The following SLC19A3 variants were observed in gnomAD, a reference collection of about 807,000 sequenced individuals.
SLC19A3 encodes thiamine transporter 2.
A neutral mutation model predicts 40.2 loss-of-function variants in SLC19A3; 31 were observed. The observed-to-expected ratio is 0.77, with a 90% CI of 0.58 to 1.04. The LOEUF (loss-of-function observed/expected upper bound fraction) is 1.04, where lower values mean the gene tolerates loss of function less well. Among genes scored for constraint, SLC19A3 ranks in the 50% least tolerant of loss-of-function variants. The pLI is 0.00. For missense variants in SLC19A3, 592 were observed against 596.7 expected, an observed-to-expected ratio of 0.99 and a Z score of 0.08; for synonymous variants, 212 against 227.5, an observed-to-expected ratio of 0.93 and a Z score of 0.61.
rs121917882 is a variant in SLC19A3 at position 227,702,251 on chromosome 2, C to A, written c.68G>T (p.Gly23Val). 2.5e-5 allele frequency: 40 copies of A among 1,613,826 alleles called. No individual in the cohort carries two copies. The highest frequency in any genetic ancestry group is 3.1e-5 in the Non-Finnish European group (36 of 1,179,884). ...IYPTVILCLF[G>V]FFSMMRPSEP... ...TGAGGGTCTCATCATGGAGAAAAAA[C>A]CAAATAAGCAGAGGATCACAGTGGG... is the stretch of plus-strand genomic sequence containing the variant. The change falls in exon 2 of 6, where the codon GGT becomes GTT. Residue 23 changes from glycine to valine, a missense_variant. Gly to Val is a moderately radical substitution (Grantham distance 109). Transcript: ENST00000644224.
chr2:227,689,210 G>C (rs1001057697), intron 4 of SLC19A3, among the ~76,000 whole-genome samples: 29 of 152,100 alleles, frequency 1.9e-4, no homozygotes. Context: ...TATTCAAAGG[G>C]ATAATATCAG....
intron 4 of SLC19A3, among the ~76,000 whole-genome samples, chr2:227,694,123 C>T (rs1695337357): frequency 6.6e-6 from 1 of 152,160 alleles, no homozygotes; most frequent in African/African-American, 2.4e-5. Flanking sequence ...TCTCCTGCCT[C>T]AGCCTCCCCA....
chr2:227,694,227 G>C (rs1199244662), intron 4 of SLC19A3, among the ~76,000 whole-genome samples: 2 of 152,014 alleles, frequency 1.3e-5, no homozygotes, highest in African/African-American at 4.8e-5. Flanking sequence ...GGCTGGTCTC[G>C]AACTCCTGAC....
At chr2:227,695,566 C>T in intron 4 of SLC19A3, 1 of 343,414 alleles carries the variant, frequency 2.9e-6, no homozygotes, top group Admixed American at 4.2e-5. Context: ...CGTGATCGCA[C>T]CACTGCTCTC....
At chr2:227,692,013 A>G (rs1342085154) in intron 4 of SLC19A3, among the ~76,000 whole-genome samples, 1 of 151,962 alleles carries the variant, frequency 6.6e-6, no homozygotes, top group Non-Finnish European at 1.5e-5. Context: ...AACCTATCCG[A>G]TTGAACCATG....
At chr2:227,712,852 A>C (rs558209353) in intron 1 of SLC19A3, among the ~76,000 whole-genome samples, 1 of 152,286 alleles carries the variant, frequency 6.6e-6, no homozygotes, top group African/African-American at 2.4e-5. Flanking sequence ...AAAGTCCTAA[A>C]ACAAGCAAAA....
rs1695039460 is a variant in SLC19A3 at position 227,687,003 on chromosome 2, G to A, written c.*394C>T. 6.1e-6 allele frequency: 1 copy of A among 163,564 alleles called. No homozygotes were observed. The highest frequency in any genetic ancestry group is 1.3e-5 in the Non-Finnish European group (1 of 75,026). The allele number at this position is 163,564 out of a possible 1,614,324, so 10.1% of individuals were successfully genotyped here. A position where few individuals can be genotyped will look rare whatever the true frequency, so the allele number is the denominator to read the frequency against. ...TTGGTAAGATCAAATAAGTATTTAA[G>A]CCTAGCAATAGGGTCAGTCCAGTTA... On this transcript the variant is annotated 3_prime_UTR_variant, in exon 6 of 6. Transcript: ENST00000644224.
intron 3 of SLC19A3, among the ~76,000 whole-genome samples, chr2:227,696,325 C>T (rs1695435519): frequency 6.6e-6 from 1 of 152,158 alleles, no homozygotes; most frequent in Non-Finnish European, 1.5e-5. Context: ...GCATCAACTA[C>T]ACGCCAGACA....
chr2:227,718,021 G>T lies in SLC19A3; in HGVS notation c.-81C>A. ...ACCCGCGGCTGTCGGATGGATCCAG[G>T]CGCTCTTGGTGGGAAGGGGGCGGAG... On this transcript the variant is annotated 5_prime_UTR_variant, in exon 1 of 6. Coordinates refer to ENST00000644224, the MANE Select transcript of SLC19A3 (RefSeq NM_025243.4). The T allele has an allele frequency of 1.0e-6, 1 of 985,188 alleles. No homozygotes were observed. The highest frequency in any genetic ancestry group is 1.2e-6 in the Non-Finnish European group (1 of 829,704). 61.0% of individuals were successfully genotyped at this position (985,188 alleles called of 1,614,324 possible). A position where few individuals can be genotyped will look rare whatever the true frequency, so the allele number is the denominator to read the frequency against.
intron 4 of SLC19A3, among the ~76,000 whole-genome samples, chr2:227,694,931 G>A (rs919260671): frequency 6.6e-6 from 1 of 151,860 alleles, no homozygotes; most frequent in Non-Finnish European, 1.5e-5. Flanking sequence ...ATGGTGGTGT[G>A]CACCAGTAGT....
At chr2:227,714,805 C>CTTTTTTTTT (rs869073195) in intron 1 of SLC19A3, among the ~76,000 whole-genome samples, 2 of 79,870 alleles carry the variant, frequency 2.5e-5, no homozygotes, top group African/African-American at 5.0e-5. Flanking sequence ...CCTGACTATT[C>CTTTTTTTTT]TTTTTTTTTT....
At chr2:227,698,160 A>C (rs533053914) in intron 3 of SLC19A3, among the ~76,000 whole-genome samples, 3 of 152,004 alleles carry the variant, frequency 2.0e-5, no homozygotes, top group East Asian at 3.9e-4. Context: ...CATTCTTTTT[A>C]TTTTTATTTT....
At chr2:227,708,262 T>C (rs796912131) in intron 1 of SLC19A3, among the ~76,000 whole-genome samples, 22 of 152,322 alleles carry the variant, frequency 1.4e-4, no homozygotes, top group African/African-American at 4.8e-4. Flanking sequence ...TGGCTTCTCA[T>C]GATTTTTGTT....
chr2:227,689,952 T>A (rs1414463233), intron 4 of SLC19A3, among the ~76,000 whole-genome samples: 1 of 152,190 alleles, frequency 6.6e-6, no homozygotes, highest in Non-Finnish European at 1.5e-5. Context: ...AAATAATGGG[T>A]TATAAGATAG....
At chr2:227,690,436 G>A (rs1333479730) in intron 4 of SLC19A3, among the ~76,000 whole-genome samples, 3 of 151,948 alleles carry the variant, frequency 2.0e-5, no homozygotes, top group South Asian at 2.1e-4. Flanking sequence ...GGCCAGGCGC[G>A]GTGGCTCATG....
At chr2:227,709,709 C>T (rs891202456) in intron 1 of SLC19A3, among the ~76,000 whole-genome samples, 10 of 152,038 alleles carry the variant, frequency 6.6e-5, no homozygotes, top group Non-Finnish European at 1.2e-4. Context: ...CAAGTAACTC[C>T]CTCAAACCTG....
At chr2:227,697,368 C>G (rs1559248309) in intron 3 of SLC19A3, among the ~76,000 whole-genome samples, 1 of 152,130 alleles carries the variant, frequency 6.6e-6, no homozygotes, top group African/African-American at 2.4e-5. Context: ...TCTTCAAAGT[C>G]TCATTTGACA....
At chr2:227,699,906 C>G (rs1428280966) in intron 2 of SLC19A3, among the ~76,000 whole-genome samples, 1 of 151,954 alleles carries the variant, frequency 6.6e-6, no homozygotes, top group African/African-American at 2.4e-5. Context: ...GAGGTGGAGT[C>G]TTGCTCAGCT....
In SLC19A3 at chr2:227,709,908, A is replaced by C. The variant is rs557024014; in HGVS notation, c.-2-7588T>G. Among the ~76,000 whole-genome samples, 3 of 152,260 alleles carry C rather than the reference A, an allele frequency of 2.0e-5. No individual in the cohort carries two copies. In the South Asian group the frequency reaches 6.2e-4, roughly 32 times the overall value. On this transcript the variant is annotated intron_variant, in intron 1 of 5. Transcript: ENST00000644224. ...CTTCCTGGCACCAGGAACCCGTTTC[A>C]TGGAAGACAATTTTTCCATGAAAAA...
Sources: gnomAD v4.1 joint callset for allele counts (sites outside exome capture counted in the v4.1 genomes callset) on GRCh38, gnomAD v4.1.1 for gene constraint, MANE v1.5 for transcripts, NCBI Gene and HGNC (gene_info 2026-07-23, HGNC 2026-07-21) for gene names.